The following CFAP97D2 variants were observed in gnomAD, a reference collection of about 807,000 sequenced individuals.
CFAP97D2 encodes the protein CFAP97 domain containing 2.
In CFAP97D2 at chr13:114,196,349, C is replaced by T. The variant is rs1469247937; in HGVS notation, c.91-47C>T. On this transcript the variant is annotated intron_variant, in intron 1 of 4. Transcript: ENST00000646158. ...CAGAGCAGCACAATCTGAGCTCACT[C>T]TGTTTCCAATACTGCGCCCAGGTAA... 4 of 399,528 alleles carry T rather than the reference C, an allele frequency of 1.0e-5. No homozygotes were observed. The East Asian group carries it at 1.4e-4, about 14-fold the overall frequency. 24.7% of individuals were successfully genotyped at this position (399,528 alleles called of 1,614,324 possible). A position where few individuals can be genotyped will look rare whatever the true frequency, so the allele number is the denominator to read the frequency against.
intron 1 of CFAP97D2, among the ~76,000 whole-genome samples, chr13:114,188,611 A>C (rs2080858759): frequency 6.6e-6 from 1 of 151,920 alleles, no homozygotes; most frequent in African/African-American, 2.4e-5. Context: ...CCCCGTCTCC[A>C]CTAAACATAC....
rs55950701 is a variant in CFAP97D2 at position 114,206,690 on chromosome 13, C to T, written c.291-5222C>T. Among the ~76,000 whole-genome samples the T allele has an allele frequency of 8.6e-3, 1,311 of 152,276 alleles. 20 individuals carry two copies. The highest frequency in any genetic ancestry group is 0.03 in the African/African-American group (1,237 of 41,554). On this transcript the variant is annotated intron_variant, in intron 3 of 4. Transcript: ENST00000646158. ...AGGGGTAGCAAGATGATAAAGGGTC[C>T]AGGGCTCCCTAAGGAAGTGATGAAA... is the stretch of plus-strand genomic sequence containing the variant.
Position 114,187,036 on chromosome 13 carries a change from GGA to G in CFAP97D2, c.90+7622_90+7623del, listed in dbSNP as rs2138752202. On this transcript the variant is annotated intron_variant, in intron 1 of 4. Transcript: ENST00000646158. This position sits in a 1 kb window ranked among gnomAD's most constrained non-coding sequence, Gnocchi z 4.2. ...ATAACAACACCAATGATAAGGAACA[GGA>G]GAGAGGTATTCAGATTATTTTGTAA... Among the ~76,000 whole-genome samples, 1 of 152,344 alleles carries G rather than the reference GGA, an allele frequency of 6.6e-6. No individual in the cohort carries two copies. Among genetic ancestry groups the G allele is most frequent in the Admixed American group, 6.5e-5 (1 of 15,306 alleles).
intron 1 of CFAP97D2, among the ~76,000 whole-genome samples, chr13:114,184,504 T>C (rs2080848268): frequency 6.6e-6 from 1 of 151,902 alleles, no homozygotes; most frequent in African/African-American, 2.4e-5. Flanking sequence ...GGAACAAGAC[T>C]CCAACAGAGG....
At chr13:114,197,704 A>G (rs554810506) in intron 2 of CFAP97D2, among the ~76,000 whole-genome samples, 1 of 144,794 alleles carries the variant, frequency 6.9e-6, no homozygotes, top group Non-Finnish European at 1.5e-5. Context: ...TGTTTTTGAG[A>G]TAGAGTCTCA....
In CFAP97D2 at chr13:114,189,194, G is replaced by A. The variant is rs1005467890; in HGVS notation, c.91-7202G>A. ...CCTAGGATATTAAAAGGATAATAAA[G>A]GGATACTATGAACAAATTTATGCCC... On this transcript the variant is annotated intron_variant, in intron 1 of 4. Coordinates refer to ENST00000646158, the Ensembl canonical transcript of CFAP97D2. This position sits in a 1 kb window ranked among gnomAD's most constrained non-coding sequence, Gnocchi z 4.5. Among the ~76,000 whole-genome samples the A allele has an allele frequency of 2.0e-4, 31 of 151,772 alleles. No individual in the cohort carries two copies. Among genetic ancestry groups the A allele is most frequent in the African/African-American group, 7.5e-4 (31 of 41,338 alleles).
At position 114,186,245 on chromosome 13, in the gene CFAP97D2, G is replaced by C. The variant is rs1475198624; in HGVS notation, c.90+6825G>C. ...CACCCCAAGGTCTCCTCTCTGCTGA[G>C]AGCTGAGACGTCAGGACAACCAGCT... is the stretch of plus-strand genomic sequence containing the variant. On this transcript the variant is annotated intron_variant, in intron 1 of 4. Coordinates refer to ENST00000646158, the Ensembl canonical transcript of CFAP97D2. The surrounding 1 kb of genome is among the most constrained non-coding windows in gnomAD (Gnocchi z 4.3). 1.2e-4 allele frequency among the ~76,000 whole-genome samples: 19 copies of C among 152,120 alleles called. No homozygotes were observed. Among genetic ancestry groups the C allele is most frequent in the Non-Finnish European group, 2.5e-4 (17 of 68,010 alleles).
In CFAP97D2 at chr13:114,211,706, G is replaced by T. The variant is rs189636608; in HGVS notation, c.291-206G>T. Among the ~76,000 whole-genome samples, 229 of 152,306 alleles carry T rather than the reference G, an allele frequency of 1.5e-3. No individual in the cohort carries two copies. Among genetic ancestry groups the T allele is most frequent in the African/African-American group, 5.3e-3 (220 of 41,558 alleles). On this transcript the variant is annotated intron_variant, in intron 3 of 4. Transcript: ENST00000646158. The surrounding 1 kb of genome is among the most constrained non-coding windows in gnomAD (Gnocchi z 4.2). Reference sequence around the variant, plus strand: ...CGCCGTGCAAAGCGAGCGCGCCGGGGCTGAGTGTGCCCTTCGCTCCTCTCT... The same window carrying T: ...CGCCGTGCAAAGCGAGCGCGCCGGGTCTGAGTGTGCCCTTCGCTCCTCTCT...
intron 4 of CFAP97D2, among the ~76,000 whole-genome samples, chr13:114,216,258 C>T (rs1412942103): frequency 9.9e-5 from 15 of 152,174 alleles, no homozygotes; most frequent in Admixed American, 2.6e-4. Context: ...GCCCTCCTCC[C>T]GGCTTGTTTT....
At chr13:114,192,338 T>C (rs1287638553) in intron 1 of CFAP97D2, among the ~76,000 whole-genome samples, 1 of 152,314 alleles carries the variant, frequency 6.6e-6, no homozygotes, top group East Asian at 1.9e-4. Context: ...GCAGAGGGTA[T>C]ATGGGAAATA....
chr13:114,193,933 A>G (rs569741397), intron 1 of CFAP97D2, among the ~76,000 whole-genome samples: 5 of 152,320 alleles, frequency 3.3e-5, no homozygotes, highest in African/African-American at 9.6e-5. Context: ...CACCTTGCCA[A>G]AGTTAATACA....
rs74116829 is a variant in CFAP97D2, at chr13:114,222,083, G to A, written c.481-415G>A. Among the ~76,000 whole-genome samples, 11,688 of 152,226 alleles carry A rather than the reference G, an allele frequency of 0.077. 813 individuals carry two copies. The highest frequency in any genetic ancestry group is 0.35 in the East Asian group (1,827 of 5,178). ...AACCTTAAAGACATTATTATGTTCC[G>A]TGAAAAAGCTGGATACTAAATGCCG... On this transcript the variant is annotated intron_variant, in intron 4 of 4. Coordinates refer to ENST00000646158, the Ensembl canonical transcript of CFAP97D2. This position sits in a 1 kb window ranked among gnomAD's most constrained non-coding sequence, Gnocchi z 4.4.
In CFAP97D2 at chr13:114,212,334, A is replaced by T. The variant is rs1294861296; in HGVS notation, c.480+233A>T. The T allele has an allele frequency of 1.1e-5, 4 of 352,664 alleles. No individual in the cohort carries two copies. The Admixed American group carries it at 1.9e-4, about 17-fold the overall frequency. The allele number at this position is 352,664 out of a possible 1,614,324, so 21.8% of individuals were successfully genotyped here. ...ATTTGTTCACGAAGTTGAGGAAATT[A>T]AAATAAGCTCAGCTGATTGATTGTA... On this transcript the variant is annotated intron_variant, in intron 4 of 4. Transcript: ENST00000646158.
rs146202114 is a variant in CFAP97D2 at position 114,205,648 on chromosome 13, C to A, written c.290+5205C>A. On this transcript the variant is annotated intron_variant, in intron 3 of 4. Transcript: ENST00000646158. ...GAAGAGCTGGGAGTGGAGACAATGG[C>A]AATCTTCTCTCTGAGTGACACCCCA... is the stretch of plus-strand genomic sequence containing the variant. Among the ~76,000 whole-genome samples, 24 of 152,222 alleles carry A rather than the reference C, an allele frequency of 1.6e-4. No individual in the cohort carries two copies. The East Asian group carries it at 3.9e-3, about 25-fold the overall frequency.
rs979058287 is a variant in CFAP97D2, at chr13:114,189,407, A to G, written c.91-6989A>G. On this transcript the variant is annotated intron_variant, in intron 1 of 4. Coordinates refer to ENST00000646158, the Ensembl canonical transcript of CFAP97D2. This position sits in a 1 kb window ranked among gnomAD's most constrained non-coding sequence, Gnocchi z 4.5. ...ATTGGCAAATTCTATTAAACATTTA[A>G]GGAAGAAATTTTACCTATTCTCTAC... Among the ~76,000 whole-genome samples, 6 of 152,216 alleles carry G rather than the reference A, an allele frequency of 3.9e-5. No homozygotes were observed. The highest frequency in any genetic ancestry group is 7.3e-5 in the Non-Finnish European group (5 of 68,038).
chr13:114,209,684 A>G (rs568844800), intron 3 of CFAP97D2, among the ~76,000 whole-genome samples: 11 of 152,040 alleles, frequency 7.2e-5, no homozygotes, highest in Non-Finnish European at 1.3e-4. Flanking sequence ...CACAGTTGTC[A>G]TCCAAGCAGC....
intron 1 of CFAP97D2, among the ~76,000 whole-genome samples, chr13:114,191,173 A>G (rs2080868004): frequency 6.6e-6 from 1 of 152,222 alleles, no homozygotes; most frequent in South Asian, 2.1e-4. Flanking sequence ...GAGTATGGGA[A>G]TGACTTTTTT....
Position 114,179,354 on chromosome 13 carries a change from C to T in CFAP97D2, c.24C>T (p.Thr8=), listed in dbSNP as rs2080824715. 1 of 398,612 alleles carries T rather than the reference C, an allele frequency of 2.5e-6. No individual in the cohort carries two copies. Among genetic ancestry groups the T allele is most frequent in the South Asian group, 1.3e-4 (1 of 7,860 alleles). 24.7% of individuals were successfully genotyped at this position (398,612 alleles called of 1,614,324 possible). A position where few individuals can be genotyped will look rare whatever the true frequency, so the allele number is the denominator to read the frequency against. The change falls in exon 1 of 5, where the codon ACC becomes ACT. Residue 8 remains threonine (T), a synonymous_variant. Coordinates refer to ENST00000646158, the Ensembl canonical transcript of CFAP97D2. The surrounding 1 kb of genome is among the most constrained non-coding windows in gnomAD (Gnocchi z 4.8). ...AGATGCACGGAGCCCCCCGGCTGAC[C>T]TTTCCCTGTGCCAGTGAGTACCTGT...
rs2080825943 is a variant in CFAP97D2, at chr13:114,179,777, C to G, written c.90+357C>G. ...ACACCAGAAGCATCCTTTTCTTTTTCTTTCTTTTTGTTTTTTGTTTTTGTT... is the reference window on the plus strand; with the variant it reads ...ACACCAGAAGCATCCTTTTCTTTTTGTTTCTTTTTGTTTTTTGTTTTTGTT... On this transcript the variant is annotated intron_variant, in intron 1 of 4. Transcript: ENST00000646158. The surrounding 1 kb of genome is among the most constrained non-coding windows in gnomAD (Gnocchi z 4.8). Among the ~76,000 whole-genome samples the G allele has an allele frequency of 6.6e-6, 1 of 152,024 alleles. No homozygotes were observed. The highest frequency in any genetic ancestry group is 2.4e-5 in the African/African-American group (1 of 41,396).
Sources: gnomAD v4.1 joint callset for allele counts (sites outside exome capture counted in the v4.1 genomes callset) on GRCh38, gnomAD v4.1.1 for gene constraint, Gnocchi (gnomAD v3.1) non-coding constraint, MANE v1.5 for transcripts, NCBI Gene and HGNC (gene_info 2026-07-23, HGNC 2026-07-21) for gene names.